The following EPHB2 variants were observed in gnomAD, a reference collection of about 807,000 sequenced individuals.
EPHB2 encodes the protein ephrin type-B receptor 2.
In EPHB2, 18 loss-of-function variants were observed where a neutral mutation model predicts 96.4. That is an observed-to-expected ratio of 0.19 (90% CI 0.13 to 0.28). The LOEUF is 0.28. Ranked by LOEUF, EPHB2 falls within the 10% of genes least tolerant of loss-of-function variation. EPHB2 has a pLI of 1.00. For missense variants in EPHB2, 989 were observed against 1,355.4 expected (o/e 0.73, Z 4.25); for synonymous variants, 506 against 534.1 (o/e 0.95, Z 0.72).
intron 3 of EPHB2, among the ~76,000 whole-genome samples, chr1:22,847,821 C>T (rs1645565829): frequency 6.6e-6 from 1 of 152,158 alleles, no homozygotes; most frequent in African/African-American, 2.4e-5. Context: ...CCAGTCCCTC[C>T]ATGCCTCCAG....
At chr1:22,775,019 C>A (rs1414334302) in intron 1 of EPHB2, among the ~76,000 whole-genome samples, 1 of 152,222 alleles carries the variant, frequency 6.6e-6, no homozygotes, top group Admixed American at 6.5e-5. Flanking sequence ...CTGGCCTGGG[C>A]AGTCTATGTC....
chr1:22,765,301 C>T (rs1173242265), intron 1 of EPHB2, among the ~76,000 whole-genome samples: 1 of 152,082 alleles, frequency 6.6e-6, no homozygotes, highest in Non-Finnish European at 1.5e-5. Flanking sequence ...AATCCCAACA[C>T]TTTAGGGGGC....
intron 3 of EPHB2, among the ~76,000 whole-genome samples, chr1:22,797,899 G>C (rs759700524): frequency 6.6e-6 from 1 of 152,128 alleles, no homozygotes; most frequent in South Asian, 2.1e-4. Flanking sequence ...TTGCTCCATC[G>C]TCTTCTTCAG....
At chr1:22,726,459 C>T (rs1172873222) in intron 1 of EPHB2, among the ~76,000 whole-genome samples, 7 of 151,018 alleles carry the variant, frequency 4.6e-5, no homozygotes, top group African/African-American at 1.7e-4. Context: ...CTCGTTCTGT[C>T]ACCCAGGCTG....
intron 9 of EPHB2, among the ~76,000 whole-genome samples, chr1:22,900,420 G>A (rs1167364239): frequency 2.0e-5 from 3 of 152,154 alleles, no homozygotes; most frequent in Admixed American, 2.0e-4. Context: ...TTGTTTCAAT[G>A]CTTTACATGT....
intron 1 of EPHB2, among the ~76,000 whole-genome samples, chr1:22,766,796 C>T (rs999677434): frequency 6.6e-6 from 1 of 152,212 alleles, no homozygotes; most frequent in Non-Finnish European, 1.5e-5. Context: ...TGAGCCTGCT[C>T]CCAGCATCAG....
intron 9 of EPHB2, among the ~76,000 whole-genome samples, chr1:22,904,775 G>A (rs989687068): frequency 5.3e-5 from 8 of 152,140 alleles, no homozygotes; most frequent in South Asian, 2.1e-4. Flanking sequence ...AAGCCAATTC[G>A]CCAACCCCTA....
At chr1:22,847,502 G>A (rs907762673) in intron 3 of EPHB2, among the ~76,000 whole-genome samples, 7 of 152,214 alleles carry the variant, frequency 4.6e-5, no homozygotes, top group African/African-American at 1.7e-4. Flanking sequence ...CCTAGGGAAG[G>A]GAGAGAACTG....
At chr1:22,882,575 T>C in intron 6 of EPHB2, 92 bp downstream of exon 6, 1 of 1,582,086 alleles carries the variant, frequency 6.3e-7, no homozygotes, top group Non-Finnish European at 8.6e-7. Context: ...CACCGCAAGA[T>C]GAGACGCACT....
chr1:22,814,282 G>T (rs1210972739), intron 3 of EPHB2, among the ~76,000 whole-genome samples: 1 of 152,222 alleles, frequency 6.6e-6, no homozygotes, highest in African/African-American at 2.4e-5. Context: ...GCTCAGTGAG[G>T]CTAGTAGGGC....
intron 2 of EPHB2, among the ~76,000 whole-genome samples, chr1:22,783,768 G>A (rs1570270027): frequency 6.6e-6 from 1 of 152,280 alleles, no homozygotes; most frequent in South Asian, 2.1e-4. Context: ...GAGGGTACAG[G>A]AGTACTCTCC....
intron 9 of EPHB2, among the ~76,000 whole-genome samples, chr1:22,904,436 G>T (rs1252612202): frequency 6.6e-6 from 1 of 152,048 alleles, no homozygotes; most frequent in African/African-American, 2.4e-5. Flanking sequence ...AATAGAAAAG[G>T]ACAATCATAA....
chr1:22,894,600 A>G (rs1193744617), intron 7 of EPHB2, among the ~76,000 whole-genome samples: 1 of 150,998 alleles, frequency 6.6e-6, no homozygotes, highest in Non-Finnish European at 1.5e-5. Flanking sequence ...CCCACTCCAA[A>G]AAAAAAAAAA....
At chr1:22,861,212 C>T (rs1638237524) in intron 3 of EPHB2, among the ~76,000 whole-genome samples, 1 of 152,162 alleles carries the variant, frequency 6.6e-6, no homozygotes. Flanking sequence ...AGTGACTTCC[C>T]CGAGGCCACA....
intron 3 of EPHB2, among the ~76,000 whole-genome samples, chr1:22,826,305 A>G (rs1645223251): frequency 6.6e-6 from 1 of 152,144 alleles, no homozygotes; most frequent in African/African-American, 2.4e-5. Context: ...TATGTTTGGC[A>G]TTTCCTTGTA....
At position 22,711,427 on chromosome 1, in the gene EPHB2, G is replaced by T. The variant is rs537149896; in HGVS notation, c.61+384G>T. On this transcript the variant is annotated intron_variant, in intron 1 of 15. Coordinates refer to ENST00000374630, the MANE Select transcript of EPHB2 (RefSeq NM_017449.5). ...GGCGCGGGCCCGGCCGTGGCGGGGG[G>T]CGGGGGGGGCGCCGGCGCTCGGTCG... 9.5e-3 allele frequency among the ~76,000 whole-genome samples: 1,410 copies of T among 148,584 alleles called. 24 individuals carry two copies. Among genetic ancestry groups the T allele is most frequent in the African/African-American group, 0.033 (1,345 of 40,842 alleles).
intron 1 of EPHB2, among the ~76,000 whole-genome samples, chr1:22,721,085 G>A (rs1017938800): frequency 2.0e-5 from 3 of 152,204 alleles, no homozygotes; most frequent in Non-Finnish European, 4.4e-5. Flanking sequence ...GGGGGTGACT[G>A]GTTGTCACTC....
intron 3 of EPHB2, among the ~76,000 whole-genome samples, chr1:22,797,798 G>A (rs953672108): frequency 1.3e-5 from 2 of 151,886 alleles, no homozygotes; most frequent in Admixed American, 6.6e-5. Flanking sequence ...CTTTCTGACC[G>A]GTCTCCTCCC....
chr1:22,774,968 G>A (rs138970197), intron 1 of EPHB2, among the ~76,000 whole-genome samples: 112 of 152,266 alleles, frequency 7.4e-4, no homozygotes, highest in African/African-American at 2.6e-3. Flanking sequence ...AGCAGAACTG[G>A]CATTCCTGCA....
Sources: allele counts gnomAD v4.1 joint callset (sites outside exome capture counted in the v4.1 genomes callset), GRCh38; gene constraint gnomAD v4.1.1; transcripts MANE v1.5; gene names NCBI Gene and HGNC (gene_info 2026-07-23, HGNC 2026-07-21).